The following NBAS variants were observed in gnomAD, a reference collection of about 807,000 sequenced individuals.
NBAS encodes NBAS subunit of NRZ tethering complex, also known as NAG/BC035112 fusion.
A neutral mutation model predicts 302.5 loss-of-function variants in NBAS; 219 were observed. The observed-to-expected ratio is 0.72, with a 90% CI of 0.65 to 0.81. The LOEUF (loss-of-function observed/expected upper bound fraction) is 0.81, where lower values mean the gene tolerates loss of function less well. NBAS is among the 30% of genes least tolerant of loss of function. The pLI, the probability that NBAS is intolerant of heterozygous loss-of-function variation, is 0.00. For synonymous variants in NBAS, 1,118 were observed against 1,021.6 expected (o/e 1.09, Z -1.80); for missense variants, 2,932 against 2,841.6 (o/e 1.03, Z -0.72).
the NBAS span, among the ~76,000 whole-genome samples, chr2:14,869,846 G>C: frequency 6.6e-6 from 1 of 152,170 alleles, no homozygotes; most frequent in Non-Finnish European, 1.5e-5. Flanking sequence ...TTGTGGACTT[G>C]TAATGATCAG....
At chr2:14,785,458 G>C in the NBAS span, among the ~76,000 whole-genome samples, 1 of 152,098 alleles carries the variant, frequency 6.6e-6, no homozygotes, top group East Asian at 1.9e-4. Context: ...CTGTGGGTTT[G>C]TCATAGATAG....
chr2:15,055,789 A>T, the NBAS span, among the ~76,000 whole-genome samples: 53 of 152,154 alleles, frequency 3.5e-4, no homozygotes, highest in Admixed American at 1.2e-3. Flanking sequence ...ACAAATATGG[A>T]AAGGAAGAGA....
At chr2:14,926,094 T>C in the NBAS span, among the ~76,000 whole-genome samples, 257 of 152,280 alleles carry the variant, frequency 1.7e-3, no homozygotes, top group Non-Finnish European at 3.3e-3. Flanking sequence ...TGCTTAAGAA[T>C]CCTCCAGGAT....
At chr2:15,504,078 G>T (rs908023838) in intron 11 of NBAS, 67 bp downstream of exon 11, 2 of 1,318,728 alleles carry the variant, frequency 1.5e-6, no homozygotes, top group South Asian at 1.2e-5. Context: ...ATTCAGCTTT[G>T]ACCTTAAAGG....
At chr2:15,079,437 A>T in the NBAS span, among the ~76,000 whole-genome samples, 1 of 152,122 alleles carries the variant, frequency 6.6e-6, no homozygotes, top group Non-Finnish European at 1.5e-5. Flanking sequence ...GGTCCCTAAG[A>T]GCCAAGCAGA....
intron 40 of NBAS, among the ~76,000 whole-genome samples, chr2:15,301,976 C>T (rs925010945): frequency 1.3e-5 from 2 of 152,190 alleles, no homozygotes; most frequent in African/African-American, 2.4e-5. Context: ...ATGTCTACAC[C>T]TCCATTTTAG....
chr2:14,910,546 A>G, the NBAS span, among the ~76,000 whole-genome samples: 1 of 152,284 alleles, frequency 6.6e-6, no homozygotes, highest in Admixed American at 6.5e-5. Flanking sequence ...TAAGGAGACA[A>G]GAGGTAGTTG....
chr2:15,059,430 G>A, the NBAS span, among the ~76,000 whole-genome samples: 2 of 151,900 alleles, frequency 1.3e-5, no homozygotes, highest in African/African-American at 4.8e-5. Flanking sequence ...CTTTGGACTG[G>A]ACCCTGCCCA....
At chr2:15,429,452 A>C (rs1677652290) in intron 21 of NBAS, among the ~76,000 whole-genome samples, 1 of 152,206 alleles carries the variant, frequency 6.6e-6, no homozygotes, top group Non-Finnish European at 1.5e-5. Context: ...CACACTTTGC[A>C]CAAGAAACAC....
chr2:14,837,290 A>G, the NBAS span, among the ~76,000 whole-genome samples: 1 of 151,912 alleles, frequency 6.6e-6, no homozygotes, highest in Non-Finnish European at 1.5e-5. Flanking sequence ...AAATATGAAT[A>G]CCGTGAACTC....
chr2:15,106,395 C>G, the NBAS span, among the ~76,000 whole-genome samples: 2 of 151,938 alleles, frequency 1.3e-5, no homozygotes, highest in Non-Finnish European at 2.9e-5. Context: ...AATCGTTTAA[C>G]TTCCCACTAA....
chr2:15,387,460 T>C (rs1292753337), intron 28 of NBAS, among the ~76,000 whole-genome samples: 1 of 152,208 alleles, frequency 6.6e-6, no homozygotes, highest in Admixed American at 6.5e-5. Context: ...TGTTCTACTT[T>C]AAATGATGAC....
chr2:15,081,557 A>C, the NBAS span, among the ~76,000 whole-genome samples: 1 of 152,216 alleles, frequency 6.6e-6, no homozygotes, highest in Non-Finnish European at 1.5e-5. Context: ...CTCTTCATCC[A>C]AAGGCATTGC....
the NBAS span, among the ~76,000 whole-genome samples, chr2:15,134,052 TTCTTTC>T: frequency 1.7e-5 from 1 of 58,206 alleles, no homozygotes; most frequent in Non-Finnish European, 3.4e-5. Flanking sequence ...ACATGAACAT[TTCTTTC>T]TCTCTCTCTC....
the NBAS span, among the ~76,000 whole-genome samples, chr2:15,146,961 G>A: frequency 2.0e-5 from 3 of 152,194 alleles, no homozygotes; most frequent in Non-Finnish European, 4.4e-5. Context: ...TACCCGCTGT[G>A]TCTGTTCGAG....
At chr2:15,230,473 A>C (rs972595351) in intron 47 of NBAS, among the ~76,000 whole-genome samples, 4 of 151,940 alleles carry the variant, frequency 2.6e-5, no homozygotes, top group African/African-American at 9.7e-5. Flanking sequence ...TAGAATAAAA[A>C]GTAAGATCTT....
At chr2:15,422,874 AC>A (rs938958244) in intron 23 of NBAS, among the ~76,000 whole-genome samples, 5 of 152,222 alleles carry the variant, frequency 3.3e-5, no homozygotes, top group African/African-American at 1.2e-4. Context: ...CAACTAGGAA[AC>A]CGCAAAAGGC....
chr2:15,449,622 C>A (rs1378689223), intron 21 of NBAS, among the ~76,000 whole-genome samples: 1 of 152,064 alleles, frequency 6.6e-6, no homozygotes, highest in Admixed American at 6.5e-5. Context: ...AGATAAGAAC[C>A]CATTCTATCA....
At chr2:14,955,665 C>T in the NBAS span, among the ~76,000 whole-genome samples, 1 of 152,226 alleles carries the variant, frequency 6.6e-6, no homozygotes, top group Non-Finnish European at 1.5e-5. Context: ...GGAAGCTGCC[C>T]AGGCTTGGGG....
Sources: allele counts gnomAD v4.1 joint callset (sites outside exome capture counted in the v4.1 genomes callset), GRCh38; gene constraint gnomAD v4.1.1; transcripts MANE v1.5; gene names NCBI Gene and HGNC (gene_info 2026-07-23, HGNC 2026-07-21).